CCSER2: variants seen among roughly 807,000 people sequenced by gnomAD.
CCSER2 encodes coiled-coil serine rich protein 2, also known as serine-rich coiled-coil domain-containing protein 2.
CCSER2 carries 46 observed loss-of-function variants against 92.3 expected under a neutral mutation model. The observed-to-expected ratio is 0.50, with a 90% CI of 0.39 to 0.64. The LOEUF is 0.64. CCSER2 is among the 30% of genes least tolerant of loss of function. CCSER2 has a pLI of 0.00. For missense variants in CCSER2, 1,244 were observed against 1,238.9 expected, an observed-to-expected ratio of 1.00 and a Z score of -0.06; for synonymous variants, 433 against 431.4, an observed-to-expected ratio of 1.00 and a Z score of -0.04.
chr10:84,473,711 A>G (rs934718976), intron 8 of CCSER2, among the ~76,000 whole-genome samples: 1 of 152,194 alleles, frequency 6.6e-6, no homozygotes, highest in African/African-American at 2.4e-5. Context: ...TTTTTTTAAC[A>G]TCTCTATTCT....
rs1410822948 is a variant in CCSER2, at chr10:84,372,420, T to A, written c.1368T>A (p.Asn456Lys). The change falls in exon 2 of 10, where the codon AAT (asparagine) becomes AAA (lysine). Residue 456 changes from asparagine (N) to lysine (K), a missense_variant. Coordinates refer to ENST00000372088, the MANE Select transcript of CCSER2 (RefSeq NM_001284240.2). ...ATATGTTTGATTCCCCCAAGGAAAA[T>A]GAAAAAGCCTTCAGTAAAACTGATG... ...PQDMFDSPKE[N>K]EKAFSKTDEW... 1.3e-6 allele frequency: 2 copies of A among 1,586,946 alleles called. No homozygotes were observed. Among genetic ancestry groups the A allele is most frequent in the Admixed American group, 3.9e-5 (2 of 51,772 alleles).
chr10:84,467,457 C>G (rs1030711928), intron 7 of CCSER2, among the ~76,000 whole-genome samples: 1 of 152,088 alleles, frequency 6.6e-6, no homozygotes, highest in African/African-American at 2.4e-5. Context: ...TCTCACCCCC[C>G]ACATATGTGT....
rs1849528212 is a variant in CCSER2 at position 84,514,462 on chromosome 10, A to T, written c.*195A>T. On this transcript the variant is annotated 3_prime_UTR_variant, in exon 10 of 10. Transcript: ENST00000372088. ...GTTGAAGTACATGCCATTTGAGCAT[A>T]ATTATCTCAGGTAAACACGAAAGTT... 1.8e-6 allele frequency: 1 copy of T among 558,142 alleles called. No individual in the cohort carries two copies. Among genetic ancestry groups the T allele is most frequent in the East Asian group, 3.0e-5 (1 of 33,820 alleles). 34.6% of individuals were successfully genotyped at this position (558,142 alleles called of 1,614,324 possible).
intron 5 of CCSER2, among the ~76,000 whole-genome samples, chr10:84,435,958 A>G (rs1055779312): frequency 7.4e-6 from 1 of 135,090 alleles, no homozygotes; most frequent in Non-Finnish European, 1.7e-5. Flanking sequence ...AGACTGACAA[A>G]GACTACTCAG....
chr10:84,495,250 C>G (rs964205192), intron 9 of CCSER2, among the ~76,000 whole-genome samples: 2 of 151,080 alleles, frequency 1.3e-5, no homozygotes, highest in African/African-American at 4.9e-5. Context: ...TGTTAGTATC[C>G]AAGTGTTTGG....
chr10:84,380,736 C>T (rs1037270010), intron 3 of CCSER2, among the ~76,000 whole-genome samples: 1 of 150,438 alleles, frequency 6.6e-6, no homozygotes, highest in Non-Finnish European at 1.5e-5. Context: ...CTGTGTCGCC[C>T]AGGCTGGAGT....
chr10:84,362,774 A>G (rs565143758), intron 1 of CCSER2, among the ~76,000 whole-genome samples: 131 of 152,006 alleles, frequency 8.6e-4, no homozygotes, highest in African/African-American at 3.1e-3. Context: ...TTAAACCTTT[A>G]CTTTGGCTAA....
At chr10:84,458,884 T>A (rs1415640033) in intron 6 of CCSER2, among the ~76,000 whole-genome samples, 2 of 152,178 alleles carry the variant, frequency 1.3e-5, no homozygotes, top group African/African-American at 4.8e-5. Flanking sequence ...GTCTTTTGGA[T>A]TTTGCTTTAT....
Position 84,473,679 on chromosome 10 carries a change from T to A in CCSER2, c.2235+3221T>A, listed in dbSNP as rs181446578. On this transcript the variant is annotated intron_variant, in intron 8 of 9. Transcript: ENST00000372088. Reference sequence around the variant, plus strand: ...TAACAGTATTTTTCACATTATCAAATTAAAATCACCTATTAAAAAATTTTT... The same window carrying A: ...TAACAGTATTTTTCACATTATCAAAATAAAATCACCTATTAAAAAATTTTT... 2.0e-4 allele frequency among the ~76,000 whole-genome samples: 31 copies of A among 152,314 alleles called. No individual in the cohort carries two copies. The East Asian group carries it at 5.8e-3, about 28-fold the overall frequency.
At position 84,438,692 on chromosome 10, in the gene CCSER2, A is replaced by G. The variant is rs747022882; in HGVS notation, c.2049A>G (p.Lys683=). 6.2e-7 allele frequency: 1 copy of G among 1,604,422 alleles called. No individual in the cohort carries two copies. The highest frequency in any genetic ancestry group is 8.5e-7 in the Non-Finnish European group (1 of 1,173,934). ...TAVKTQLLKL[K]RLLHQHDGSG... ...TAAAAACTCAGTTACTCAAACTGAA[A>G]CGTCTCCTGCATCAGGTGAGTACAT... Residue 683 remains lysine, a synonymous_variant, in exon 6 of 10, where the codon AAA becomes AAG. Coordinates refer to ENST00000372088, the MANE Select transcript of CCSER2 (RefSeq NM_001284240.2).
At chr10:84,491,439 G>A (rs536354644) in intron 9 of CCSER2, among the ~76,000 whole-genome samples, 1 of 152,272 alleles carries the variant, frequency 6.6e-6, no homozygotes, top group South Asian at 2.1e-4. Flanking sequence ...CTCAGCAATG[G>A]CAGACACCCC....
chr10:84,492,530 AT>A (rs1418403080), intron 9 of CCSER2, among the ~76,000 whole-genome samples: 3 of 152,180 alleles, frequency 2.0e-5, no homozygotes, highest in Non-Finnish European at 4.4e-5. Flanking sequence ...GAGAATGGGC[AT>A]TCTTGCCTTT....
intron 3 of CCSER2, among the ~76,000 whole-genome samples, chr10:84,403,768 A>T (rs1842239623): frequency 6.6e-6 from 1 of 152,198 alleles, no homozygotes; most frequent in African/African-American, 2.4e-5. Flanking sequence ...TTGTGATAAA[A>T]CCAAATGCTA....
intron 1 of CCSER2, among the ~76,000 whole-genome samples, 158 bp downstream of exon 1, chr10:84,328,966 C>T (rs957688741): frequency 2.0e-5 from 3 of 151,872 alleles, no homozygotes; most frequent in Admixed American, 1.3e-4. Flanking sequence ...GTGAGCCTCT[C>T]TAGCCCCTCG....
chr10:84,468,227 A>G (rs1248486597), intron 7 of CCSER2, among the ~76,000 whole-genome samples: 22 of 152,152 alleles, frequency 1.4e-4, no homozygotes, highest in Admixed American at 1.4e-3. Flanking sequence ...CAAGCCTACC[A>G]CACTCCTCTA....
intron 9 of CCSER2, among the ~76,000 whole-genome samples, chr10:84,504,515 G>C (rs11201077): frequency 0.56 from 85,496 of 152,036 alleles, 26,638 homozygotes; most frequent in Non-Finnish European, 0.67. Context: ...CACTGTCTCA[G>C]TTTAGTAATT....
At chr10:84,478,617 T>A (rs149421202) in intron 9 of CCSER2, among the ~76,000 whole-genome samples, 16 of 152,346 alleles carry the variant, frequency 1.1e-4, no homozygotes, top group African/African-American at 3.8e-4. Context: ...AACAAAAGTT[T>A]GATGATCCCC....
chr10:84,491,381 G>A (rs1848154961), intron 9 of CCSER2, among the ~76,000 whole-genome samples: 1 of 152,186 alleles, frequency 6.6e-6, no homozygotes, highest in Non-Finnish European at 1.5e-5. Context: ...GCTGAGGTGG[G>A]CTCCACCCAG....
intron 9 of CCSER2, among the ~76,000 whole-genome samples, chr10:84,511,510 T>C (rs527800806): frequency 5.3e-5 from 8 of 152,348 alleles, no homozygotes; most frequent in African/African-American, 1.9e-4. Flanking sequence ...AATAGACATA[T>C]TACAATAAAG....
Sources: gnomAD v4.1 joint callset for allele counts (sites outside exome capture counted in the v4.1 genomes callset) on GRCh38, gnomAD v4.1.1 for gene constraint, MANE v1.5 for transcripts, NCBI Gene and HGNC (gene_info 2026-07-23, HGNC 2026-07-21) for gene names.